Variants in SH3BP4 observed in about 807,000 individuals in gnomAD.
SH3BP4 encodes the protein SH3 domain binding protein 4.
In SH3BP4, 33 loss-of-function variants were observed where a neutral mutation model predicts 65.5. The ratio of observed to expected loss-of-function variants is 0.50; its 90% CI spans 0.38 to 0.67. The LOEUF is 0.67. SH3BP4 is among the 30% of genes least tolerant of loss of function. The pLI is 0.00. For synonymous variants in SH3BP4, 552 were observed against 545.5 expected, an observed-to-expected ratio of 1.01 and a Z score of -0.17; for missense variants, 1,134 against 1,261.4, an observed-to-expected ratio of 0.90 and a Z score of 1.53.
rs1177080438 is a variant in SH3BP4 at position 235,038,376 on chromosome 2, CATATATATATATAT to C, written c.119-2485_119-2472del. 1.1e-3 allele frequency among the ~76,000 whole-genome samples: 13 copies of C among 12,366 alleles called. 3 individuals carry two copies. Among genetic ancestry groups the C allele is most frequent in the South Asian group, 1.6e-3 (1 of 644 alleles). The allele number at this position is 12,366 out of a possible 152,430, so 8.1% of individuals were successfully genotyped here. On this transcript the variant is annotated intron_variant, in intron 3 of 5. Transcript: ENST00000392011. ...TATATATATATATATAATATATATA[CATATATATATATAT>C]ATATATATATATATATATATATATA...
At chr2:234,984,806 G>T (rs1223656364) in intron 1 of SH3BP4, among the ~76,000 whole-genome samples, 2 of 151,970 alleles carry the variant, frequency 1.3e-5, no homozygotes, top group East Asian at 3.9e-4. Flanking sequence ...ACAAGGACTT[G>T]GGTGCTGATG....
intron 2 of SH3BP4, among the ~76,000 whole-genome samples, chr2:235,020,876 A>C (rs1282632434): frequency 6.6e-6 from 1 of 152,202 alleles, no homozygotes; most frequent in Non-Finnish European, 1.5e-5. Flanking sequence ...TGGTAGTGCC[A>C]AGGCCCCAAG....
chr2:235,042,016 T>A lies in SH3BP4; in HGVS notation c.1247T>A (p.Leu416Gln), dbSNP rs1168663974. The A allele has an allele frequency of 6.2e-7, 1 of 1,613,932 alleles. No homozygotes were observed. The change falls in exon 4 of 6, where the codon CTG becomes CAG. Residue 416 changes from leucine (L) to glutamine (Q), a missense_variant. Physicochemically the swap from Leu to Gln is moderately radical, Grantham distance 113 (BLOSUM62 -2). Transcript: ENST00000392011. The surrounding 1 kb of genome is among the most constrained non-coding windows in gnomAD (Gnocchi z 7.3). ...AAAAGCACAGTGGGCCTCCAGTGCC[T>A]GAGGAGCGACTCGAAGGAAGGGCCA... ...FSKSTVGLQC[L>Q]RSDSKEGPYV...
chr2:235,000,309 G>A (rs566013380), intron 2 of SH3BP4, among the ~76,000 whole-genome samples: 4 of 152,178 alleles, frequency 2.6e-5, no homozygotes, highest in South Asian at 2.1e-4. Context: ...GAGGGCCCCC[G>A]AGCCTGGGCT....
Position 235,033,223 on chromosome 2 carries a change from G to A in SH3BP4, c.-132-1648G>A, listed in dbSNP as rs1178117498. Among the ~76,000 whole-genome samples, 1 of 152,126 alleles carries A rather than the reference G, an allele frequency of 6.6e-6. No homozygotes were observed. Among genetic ancestry groups the A allele is most frequent in the African/African-American group, 2.4e-5 (1 of 41,446 alleles). The stretch of plus-strand genomic sequence containing the variant: ...CTCATCTCTCACGGTTCCAGAGGCC[G>A]GAAGTCAAAAGTCAAGGCTCTGGCC... On this transcript the variant is annotated intron_variant, in intron 2 of 5. Transcript: ENST00000392011. This position sits in a 1 kb window ranked among gnomAD's most constrained non-coding sequence, Gnocchi z 5.7.
chr2:235,042,017 G>A lies in SH3BP4; in HGVS notation c.1248G>A (p.Leu416=), dbSNP rs1398951626. The change falls in exon 4 of 6, where the codon CTG becomes CTA. Residue 416 remains leucine, a synonymous_variant. Transcript: ENST00000392011. The surrounding 1 kb of genome is among the most constrained non-coding windows in gnomAD (Gnocchi z 7.3). ...AAAGCACAGTGGGCCTCCAGTGCCT[G>A]AGGAGCGACTCGAAGGAAGGGCCAT... ...FSKSTVGLQC[L]RSDSKEGPYV... 6.2e-7 allele frequency: 1 copy of A among 1,614,048 alleles called. No individual in the cohort carries two copies. The highest frequency in any genetic ancestry group is 2.2e-5 in the East Asian group (1 of 44,868).
At chr2:235,037,308 G>A (rs1212851674) in intron 3 of SH3BP4, among the ~76,000 whole-genome samples, 1 of 152,126 alleles carries the variant, frequency 6.6e-6, no homozygotes, top group Non-Finnish European at 1.5e-5. Flanking sequence ...GCAGTTGACT[G>A]ATGGAGGGCC....
At position 235,042,134 on chromosome 2, in the gene SH3BP4, C is replaced by A; in HGVS notation, c.1365C>A (p.Ala455=). Reference sequence around the variant, plus strand: ...CCTGTATGTACGTGGCTGTCGTGGCCCATGGCCCAAGCATCCTCTACCCTT... The same window carrying A: ...CCTGTATGTACGTGGCTGTCGTGGCACATGGCCCAAGCATCCTCTACCCTT... ...LEPCMYVAVV[A]HGPSILYPST... The change falls in exon 4 of 6, where the codon GCC becomes GCA. Residue 455 remains alanine (A), a synonymous_variant. Coordinates refer to ENST00000392011, the MANE Select transcript of SH3BP4 (RefSeq NM_014521.3). This position sits in a 1 kb window ranked among gnomAD's most constrained non-coding sequence, Gnocchi z 7.3. The A allele has an allele frequency of 1.2e-6, 2 of 1,613,940 alleles. No homozygotes were observed. The highest frequency in any genetic ancestry group is 1.7e-6 in the Non-Finnish European group (2 of 1,180,014).
intron 1 of SH3BP4, among the ~76,000 whole-genome samples, chr2:234,989,267 C>T (rs1352739695): frequency 6.6e-6 from 1 of 152,198 alleles, no homozygotes; most frequent in African/African-American, 2.4e-5. Flanking sequence ...ACTGTGCTGC[C>T]AGAGCGGGGC....
intron 2 of SH3BP4, among the ~76,000 whole-genome samples, chr2:234,999,640 T>G (rs984390294): frequency 6.6e-6 from 1 of 152,220 alleles, no homozygotes; most frequent in Non-Finnish European, 1.5e-5. Flanking sequence ...TCCTTGGGCC[T>G]CAGTTTTCTC....
intron 1 of SH3BP4, among the ~76,000 whole-genome samples, chr2:234,985,528 C>T (rs960738295): frequency 4.6e-5 from 7 of 152,152 alleles, no homozygotes; most frequent in African/African-American, 1.2e-4. Context: ...TGCACACAGT[C>T]GTTTTTCACT....
intron 1 of SH3BP4, among the ~76,000 whole-genome samples, chr2:234,988,341 GA>G (rs1347715721): frequency 1.3e-5 from 2 of 152,158 alleles, no homozygotes; most frequent in Non-Finnish European, 2.9e-5. Flanking sequence ...TTACAGGCGT[GA>G]GCCACCACAC....
intron 1 of SH3BP4, among the ~76,000 whole-genome samples, chr2:234,961,047 G>C (rs1159263457): frequency 1.3e-5 from 2 of 152,158 alleles, no homozygotes; most frequent in Non-Finnish European, 2.9e-5. Context: ...AGAGCAGGGG[G>C]TGTCTGAGCC....
chr2:235,048,617 G>A (rs1222518507), intron 4 of SH3BP4, among the ~76,000 whole-genome samples: 1 of 152,236 alleles, frequency 6.6e-6, no homozygotes, highest in East Asian at 1.9e-4. Flanking sequence ...TGGTATTATA[G>A]GGGTGAGCCA....
chr2:235,025,747 C>T (rs1694980916), intron 2 of SH3BP4, among the ~76,000 whole-genome samples: 1 of 152,210 alleles, frequency 6.6e-6, no homozygotes, highest in South Asian at 2.1e-4. Flanking sequence ...GAGATGATGA[C>T]GGGTGTCCAG....
chr2:235,009,763 C>T lies in SH3BP4; in HGVS notation c.-133+14387C>T, dbSNP rs539693143. 4.6e-5 allele frequency among the ~76,000 whole-genome samples: 7 copies of T among 152,250 alleles called. No individual in the cohort carries two copies. The South Asian group carries it at 6.2e-4, about 14-fold the overall frequency. On this transcript the variant is annotated intron_variant, in intron 2 of 5. Transcript: ENST00000392011. ...GCCAGAGCCATGTGTTTGCTCCTCA[C>T]GTGGGTACCCTATGTTGGCATGTCC...
At position 234,999,057 on chromosome 2, in the gene SH3BP4, G is replaced by T. The variant is rs998331578; in HGVS notation, c.-133+3681G>T. ...CCTCTGCATTCCAGTGACAACGTCC[G>T]CAGGGCCTCAGTGAATAAACCGCTG... On this transcript the variant is annotated intron_variant, in intron 2 of 5. Transcript: ENST00000392011. 2.0e-5 allele frequency among the ~76,000 whole-genome samples: 3 copies of T among 152,204 alleles called. No individual in the cohort carries two copies. The South Asian group carries it at 6.2e-4, about 32-fold the overall frequency.
intron 2 of SH3BP4, among the ~76,000 whole-genome samples, chr2:235,031,641 A>G (rs1362031291): frequency 6.6e-6 from 1 of 151,782 alleles, no homozygotes; most frequent in East Asian, 1.9e-4. Context: ...TAGCCCCTCC[A>G]CACTTGCAGG....
chr2:235,016,393 G>C (rs548701876), intron 2 of SH3BP4, among the ~76,000 whole-genome samples: 2 of 152,330 alleles, frequency 1.3e-5, no homozygotes, highest in South Asian at 4.1e-4. Context: ...GTTGTACTTA[G>C]AAAGGGAACA....
Sources: gnomAD v4.1 joint callset for allele counts (sites outside exome capture counted in the v4.1 genomes callset) on GRCh38, gnomAD v4.1.1 for gene constraint, Gnocchi (gnomAD v3.1) non-coding constraint, MANE v1.5 for transcripts, NCBI Gene and HGNC (gene_info 2026-07-23, HGNC 2026-07-21) for gene names.